The following TAF12 variants were observed in gnomAD, a reference collection of about 807,000 sequenced individuals.
TAF12 encodes the protein transcription initiation factor TFIID subunit 12.
Under a neutral mutation model 20.8 loss-of-function variants are expected in TAF12, and 3 were observed. The observed-to-expected ratio is 0.14, with a 90% CI of 0.07 to 0.37. The LOEUF (loss-of-function observed/expected upper bound fraction) is 0.37. Among genes scored for constraint, TAF12 ranks in the 10% least tolerant of loss-of-function variants. TAF12 has a pLI of 1.00. For missense variants in TAF12, 131 were observed against 197.9 expected (o/e 0.66, Z 2.03); for synonymous variants, 69 against 70.2 (o/e 0.98, Z 0.09).
intron 3 of TAF12, among the ~76,000 whole-genome samples, 192 bp downstream of exon 3, chr1:28,617,761 T>A: frequency 6.6e-6 from 1 of 151,974 alleles, no homozygotes; most frequent in East Asian, 1.9e-4. Context: ...CTCAGCTAAT[T>A]GTTTAATTTT....
chr1:28,626,093 C>T (rs754322861), intron 1 of TAF12, among the ~76,000 whole-genome samples: 2 of 151,876 alleles, frequency 1.3e-5, no homozygotes, highest in African/African-American at 2.4e-5. Flanking sequence ...CAATTCCTGC[C>T]TCAGCCTCCT....
chr1:28,607,562 C>G (rs1044601791), intron 4 of TAF12, among the ~76,000 whole-genome samples: 1 of 152,216 alleles, frequency 6.6e-6, no homozygotes, highest in East Asian at 1.9e-4. Context: ...ATCCCAGCTA[C>G]TTGGGAGGCT....
chr1:28,643,731 A>C (rs1022538199), upstream of TAF12, among the ~76,000 whole-genome samples: 4 of 152,202 alleles, frequency 2.6e-5, no homozygotes, highest in Middle Eastern at 3.4e-3. Flanking sequence ...AGCATTCTCT[A>C]ATGCTTTCAG....
chr1:28,640,018 T>C (rs1407715498), intron 1 of TAF12, among the ~76,000 whole-genome samples: 1 of 152,160 alleles, frequency 6.6e-6, no homozygotes, highest in Non-Finnish European at 1.5e-5. Context: ...AATTTTTGTA[T>C]GTTTAGTAGA....
chr1:28,647,818 G>A (rs1192328428), upstream of TAF12, among the ~76,000 whole-genome samples: 2 of 151,916 alleles, frequency 1.3e-5, no homozygotes, highest in East Asian at 1.9e-4. Context: ...AGCTTGCGGT[G>A]AGCCGATATC....
chr1:28,621,707 C>T (rs1052539964), intron 2 of TAF12, among the ~76,000 whole-genome samples: 3 of 152,108 alleles, frequency 2.0e-5, no homozygotes, highest in African/African-American at 7.2e-5. Context: ...ATCTGTGTCT[C>T]CTGAATTGGG....
At chr1:28,641,043 G>A (rs1235318897) in intron 1 of TAF12, among the ~76,000 whole-genome samples, 1 of 151,860 alleles carries the variant, frequency 6.6e-6, no homozygotes, top group Non-Finnish European at 1.5e-5. Flanking sequence ...ACTCCAATAT[G>A]GGCAACAGAA....
At chr1:28,612,767 C>T (rs1186837519) in intron 4 of TAF12, among the ~76,000 whole-genome samples, 2 of 151,632 alleles carry the variant, frequency 1.3e-5, no homozygotes, top group Admixed American at 6.6e-5. Context: ...ATGTATATTA[C>T]GATTATAAAC....
chr1:28,615,053 G>A (rs1291683792), intron 3 of TAF12, among the ~76,000 whole-genome samples: 1 of 152,058 alleles, frequency 6.6e-6, no homozygotes, highest in Non-Finnish European at 1.5e-5. Flanking sequence ...AGACTACAGT[G>A]AGCTGTGATC....
At chr1:28,605,140 A>T (rs886940032) in intron 5 of TAF12, among the ~76,000 whole-genome samples, 2 of 152,160 alleles carry the variant, frequency 1.3e-5, no homozygotes, top group African/African-American at 2.4e-5. Flanking sequence ...CACTCAACAG[A>T]GTTACGAGAA....
intron 4 of TAF12, among the ~76,000 whole-genome samples, chr1:28,610,769 G>A (rs1038799356): frequency 6.6e-6 from 1 of 151,916 alleles, no homozygotes; most frequent in South Asian, 2.1e-4. Flanking sequence ...AGACCAGCCT[G>A]GCCAATATGG....
chr1:28,607,693 A>T (rs749920678), intron 4 of TAF12, among the ~76,000 whole-genome samples: 7 of 151,074 alleles, frequency 4.6e-5, no homozygotes, highest in Non-Finnish European at 7.4e-5. Context: ...TTTTTTTTTT[A>T]GCTGTATGTG....
chr1:28,611,938 C>G (rs1191717050), intron 4 of TAF12, among the ~76,000 whole-genome samples: 1 of 152,080 alleles, frequency 6.6e-6, no homozygotes, highest in African/African-American at 2.4e-5. Flanking sequence ...TGTGCTAAAC[C>G]ACTGTTTTTG....
upstream of TAF12, among the ~76,000 whole-genome samples, chr1:28,647,088 C>T (rs1668211209): frequency 1.3e-5 from 2 of 152,096 alleles, no homozygotes; most frequent in Non-Finnish European, 2.9e-5. Flanking sequence ...CCCACCTCAG[C>T]TTCCCAAAGT....
At chr1:28,636,215 A>C (rs1667818681) in intron 1 of TAF12, among the ~76,000 whole-genome samples, 1 of 152,228 alleles carries the variant, frequency 6.6e-6, no homozygotes, top group African/African-American at 2.4e-5. Flanking sequence ...AAGGCAGTAT[A>C]GGCCACATGT....
At chr1:28,640,145 A>G (rs868321518) in intron 1 of TAF12, among the ~76,000 whole-genome samples, 1 of 152,010 alleles carries the variant, frequency 6.6e-6, no homozygotes, top group South Asian at 2.1e-4. Flanking sequence ...GCCCAGTCCA[A>G]ATTAGTCTTT....
chr1:28,623,113 CAGG>C (rs1320040639), intron 1 of TAF12, among the ~76,000 whole-genome samples: 3 of 151,960 alleles, frequency 2.0e-5, no homozygotes, highest in Non-Finnish European at 4.4e-5. Flanking sequence ...GAGGCTAAGG[CAGG>C]AGGATTGCCT....
Position 28,608,299 on chromosome 1 carries a change from C to T in TAF12, c.362-2839G>A, listed in dbSNP as rs1321800271. Among the ~76,000 whole-genome samples, 5 of 147,106 alleles carry T rather than the reference C, an allele frequency of 3.4e-5. No homozygotes were observed. In the South Asian group the frequency reaches 1.1e-3, roughly 32 times the overall value. On this transcript the variant is annotated intron_variant, in intron 4 of 5. Transcript: ENST00000373824. Reference sequence around the variant, plus strand: ...GGCAGAGCTTGCAGTGAGCCAAGATCGCGCCACTGCACTCCAGCGTGGGCG... The same window carrying T: ...GGCAGAGCTTGCAGTGAGCCAAGATTGCGCCACTGCACTCCAGCGTGGGCG...
chr1:28,624,274 GATAAACTAACAGC>G (rs1456277683), intron 1 of TAF12, among the ~76,000 whole-genome samples: 7 of 152,156 alleles, frequency 4.6e-5, no homozygotes, highest in African/African-American at 1.7e-4. Flanking sequence ...TGCTGTTAGG[GATAAACTAACAGC>G]ATATGGAATA....
Sources: allele counts gnomAD v4.1 joint callset (sites outside exome capture counted in the v4.1 genomes callset), GRCh38; gene constraint gnomAD v4.1.1; transcripts MANE v1.5; gene names NCBI Gene and HGNC (gene_info 2026-07-23, HGNC 2026-07-21).